The following TRPM3 variants were observed in gnomAD, a reference collection of about 807,000 sequenced individuals.
The protein encoded by TRPM3 is long transient receptor potential channel 3.
Under a neutral mutation model 181.2 loss-of-function variants are expected in TRPM3, and 77 were observed. That is an observed-to-expected ratio of 0.42 (90% CI 0.35 to 0.51). The LOEUF (loss-of-function observed/expected upper bound fraction) is 0.51, where lower values mean the gene tolerates loss of function less well. Ranked by LOEUF, TRPM3 falls within the 20% of genes least tolerant of loss-of-function variation. TRPM3 has a pLI of 0.01. For synonymous variants in TRPM3, 745 were observed against 796.4 expected, an observed-to-expected ratio of 0.94 and a Z score of 1.09; for missense variants, 1,759 against 2,196.7, an observed-to-expected ratio of 0.80 and a Z score of 3.98.
chr9:70,632,148 T>C (rs1208494744), intron 12 of TRPM3, among the ~76,000 whole-genome samples: 1 of 152,210 alleles, frequency 6.6e-6, no homozygotes, highest in African/African-American at 2.4e-5. Flanking sequence ...GAAAATTGCT[T>C]TAAGTTCCCA....
chr9:70,994,701 G>T (rs1013207645), intron 1 of TRPM3, among the ~76,000 whole-genome samples: 3 of 151,968 alleles, frequency 2.0e-5, no homozygotes, highest in Admixed American at 2.0e-4. Context: ...CAGCATCCAG[G>T]GCTCTCCAGC....
intron 1 of TRPM3, among the ~76,000 whole-genome samples, chr9:71,080,062 TGA>T (rs1319608626): frequency 6.6e-6 from 1 of 151,792 alleles, no homozygotes; most frequent in African/African-American, 2.4e-5. Context: ...TCCAGCGACT[TGA>T]GAGGCTGAGG....
intron 1 of TRPM3, among the ~76,000 whole-genome samples, chr9:71,435,263 C>T (rs1279014618): frequency 2.0e-5 from 3 of 152,154 alleles, no homozygotes; most frequent in Admixed American, 2.0e-4. Flanking sequence ...TAATTACTAT[C>T]TAATAGTCTT....
chr9:70,812,183 C>T (rs1009491654), intron 6 of TRPM3, among the ~76,000 whole-genome samples: 3 of 152,194 alleles, frequency 2.0e-5, no homozygotes, highest in Non-Finnish European at 2.9e-5. Flanking sequence ...ATCCCAAATC[C>T]TCAAGTTAGA....
At chr9:71,144,004 TA>T (rs2134567294) in intron 1 of TRPM3, among the ~76,000 whole-genome samples, 1 of 152,298 alleles carries the variant, frequency 6.6e-6, no homozygotes, top group Admixed American at 6.5e-5. Flanking sequence ...ACTATAAATT[TA>T]GTTAATTGAG....
chr9:71,039,419 A>T (rs1030569614), intron 1 of TRPM3, among the ~76,000 whole-genome samples: 4 of 152,236 alleles, frequency 2.6e-5, no homozygotes, highest in Non-Finnish European at 5.9e-5. Flanking sequence ...AAGTCATAGT[A>T]TCAGTAGATG....
At chr9:70,632,090 T>C (rs562507942) in intron 12 of TRPM3, among the ~76,000 whole-genome samples, 7 of 152,318 alleles carry the variant, frequency 4.6e-5, no homozygotes, top group African/African-American at 1.7e-4. Context: ...CCCCCCATAA[T>C]TGTAAAGAAG....
intron 1 of TRPM3, among the ~76,000 whole-genome samples, chr9:71,293,935 A>G (rs2086041978): frequency 6.6e-6 from 1 of 151,968 alleles, no homozygotes; most frequent in Admixed American, 6.6e-5. Flanking sequence ...CGAGGAATGG[A>G]TTTCTCAATA....
chr9:71,325,567 G>C (rs183459278), intron 1 of TRPM3, among the ~76,000 whole-genome samples: 1 of 152,262 alleles, frequency 6.6e-6, no homozygotes, highest in East Asian at 1.9e-4. Flanking sequence ...GACACAACAT[G>C]GTTTAAAGAC....
At chr9:70,652,787 G>A (rs968199424) in intron 9 of TRPM3, among the ~76,000 whole-genome samples, 1 of 152,212 alleles carries the variant, frequency 6.6e-6, no homozygotes, top group Non-Finnish European at 1.5e-5. Context: ...AGAGGTTCAG[G>A]AAGATGATTA....
In TRPM3 at chr9:71,000,759, T is replaced by C. The variant is rs991032724; in HGVS notation, c.177+120419A>G. Among the ~76,000 whole-genome samples, 6 of 152,192 alleles carry C rather than the reference T, an allele frequency of 3.9e-5. No individual in the cohort carries two copies. In the East Asian group the frequency reaches 9.6e-4, roughly 24 times the overall value. On this transcript the variant is annotated intron_variant, in intron 1 of 25. Coordinates refer to ENST00000677713, the MANE Select transcript of TRPM3 (RefSeq NM_001366145.2). Reference sequence around the variant, plus strand: ...CAATGTACATATGCTACTTAGTCTATAGAGCTGACACTGAAAAGTGAGGTG... The same window carrying C: ...CAATGTACATATGCTACTTAGTCTACAGAGCTGACACTGAAAAGTGAGGTG...
At chr9:71,188,702 A>G (rs567962851) in intron 1 of TRPM3, among the ~76,000 whole-genome samples, 23 of 151,980 alleles carry the variant, frequency 1.5e-4, no homozygotes, top group African/African-American at 4.8e-4. Context: ...CAAGTCTACC[A>G]TGATCCAGAA....
intron 9 of TRPM3, among the ~76,000 whole-genome samples, chr9:70,649,040 A>G (rs1171440902): frequency 6.6e-6 from 1 of 152,180 alleles, no homozygotes; most frequent in Admixed American, 6.5e-5. Flanking sequence ...TAAACTATCA[A>G]CAGAGTAAAT....
intron 1 of TRPM3, among the ~76,000 whole-genome samples, chr9:71,355,965 G>C (rs1046579847): frequency 3.3e-5 from 5 of 151,918 alleles, no homozygotes; most frequent in African/African-American, 1.2e-4. Flanking sequence ...ATTACACTTA[G>C]AAAAAGCACA....
chr9:71,139,791 T>A lies in TRPM3; in HGVS notation c.184-275280A>T, dbSNP rs1472340596. Among the ~76,000 whole-genome samples, 20 of 152,280 alleles carry A rather than the reference T, an allele frequency of 1.3e-4. 1 individual carries two copies. Among genetic ancestry groups the A allele is most frequent in the Middle Eastern group, 3.4e-3 (1 of 294 alleles). ...CTCTTAGTTGGCTACCTAACTGACA[T>A]TCTCAACCTCTTTCTTACTTGTGCT... On this transcript the variant is annotated intron_variant, in intron 1 of 24. Coordinates refer to the TRPM3 transcript ENST00000357533.
At chr9:70,686,525 C>A (rs1187891450) in intron 8 of TRPM3, among the ~76,000 whole-genome samples, 1 of 152,032 alleles carries the variant, frequency 6.6e-6, no homozygotes, top group Admixed American at 6.6e-5. Flanking sequence ...TGTATGGTAA[C>A]TGAAATAACT....
chr9:71,432,323 C>CTTTTTTTTTTTTTT (rs67905820), intron 1 of TRPM3, among the ~76,000 whole-genome samples: 17 of 76,646 alleles, frequency 2.2e-4, no homozygotes, highest in African/African-American at 5.3e-4. Context: ...AAAAGTAGGA[C>CTTTTTTTTTTTTTT]TTTTTTTTTT....
intron 1 of TRPM3, among the ~76,000 whole-genome samples, chr9:71,274,172 A>G (rs1178646343): frequency 6.6e-6 from 1 of 152,196 alleles, no homozygotes; most frequent in Non-Finnish European, 1.5e-5. Context: ...ATGTATGCCA[A>G]ACAGAGGTAG....
chr9:70,589,435 G>C (rs968934253), intron 22 of TRPM3, among the ~76,000 whole-genome samples: 2 of 152,154 alleles, frequency 1.3e-5, no homozygotes, highest in African/African-American at 4.8e-5. Context: ...TCTCATTTTG[G>C]AGCAGAAAGG....
Sources: allele counts gnomAD v4.1 joint callset (sites outside exome capture counted in the v4.1 genomes callset), GRCh38; gene constraint gnomAD v4.1.1; transcripts MANE v1.5; gene names NCBI Gene and HGNC (gene_info 2026-07-23, HGNC 2026-07-21).